Variants in GPC5 observed in about 807,000 individuals in gnomAD.
The protein encoded by GPC5 is glypican-5.
GPC5 carries 47 observed loss-of-function variants against 53.9 expected under a neutral mutation model. The observed-to-expected ratio is 0.87, with a 90% CI of 0.69 to 1.11. The LOEUF is 1.11. Among genes scored for constraint, GPC5 ranks in the 50% most tolerant of loss-of-function variants. The probability of loss-of-function intolerance (pLI) is 0.00; values close to 1 mark genes in which losing one functional copy is unlikely to be tolerated. For missense variants in GPC5, 748 were observed against 713.1 expected (o/e 1.05, Z -0.56); for synonymous variants, 286 against 263.3 (o/e 1.09, Z -0.84).
intron 6 of GPC5, among the ~76,000 whole-genome samples, chr13:92,134,051 G>A (rs1407149591): frequency 6.6e-6 from 1 of 152,066 alleles, no homozygotes; most frequent in Non-Finnish European, 1.5e-5. Flanking sequence ...TTGGTAGTAT[G>A]GGTTGGCTTC....
chr13:92,019,134 GTGT>G (rs889979216), intron 6 of GPC5, among the ~76,000 whole-genome samples: 3 of 151,836 alleles, frequency 2.0e-5, no homozygotes, highest in Non-Finnish European at 4.4e-5. Flanking sequence ...TTAAGGATAT[GTGT>G]TGTTATTTAT....
chr13:92,663,359 T>A (rs1196708040), intron 7 of GPC5, among the ~76,000 whole-genome samples: 33 of 151,942 alleles, frequency 2.2e-4, no homozygotes, highest in Admixed American at 2.2e-3. Flanking sequence ...TGGAATTGGT[T>A]CTGATAGGTG....
At chr13:92,454,142 C>T (rs72640220) in intron 7 of GPC5, among the ~76,000 whole-genome samples, 1 of 152,128 alleles carries the variant, frequency 6.6e-6, no homozygotes. Flanking sequence ...CAAAACAAAA[C>T]AATACAAAAA....
At chr13:91,562,188 TAAAAAAAAAA>T (rs10603242) in intron 2 of GPC5, among the ~76,000 whole-genome samples, 5 of 45,060 alleles carry the variant, frequency 1.1e-4, no homozygotes, top group Admixed American at 3.4e-4. Flanking sequence ...GGAGCAACAG[TAAAAAAAAAA>T]AAAAAAAAAA....
At chr13:91,630,884 T>G (rs1191350585) in intron 2 of GPC5, among the ~76,000 whole-genome samples, 2 of 152,158 alleles carry the variant, frequency 1.3e-5, no homozygotes, top group Non-Finnish European at 2.9e-5. Context: ...CCCTTAACAA[T>G]AAGAGATATA....
At chr13:92,473,919 G>C (rs1879001276) in intron 7 of GPC5, among the ~76,000 whole-genome samples, 1 of 152,026 alleles carries the variant, frequency 6.6e-6, no homozygotes, top group Admixed American at 6.6e-5. Context: ...TGCTCTTTAT[G>C]ACAAAGAAAG....
At chr13:92,023,906 T>A (rs1336534839) in intron 6 of GPC5, among the ~76,000 whole-genome samples, 1 of 152,110 alleles carries the variant, frequency 6.6e-6, no homozygotes. Flanking sequence ...GACAATAAGT[T>A]CCAGGTACTT....
intron 7 of GPC5, among the ~76,000 whole-genome samples, chr13:92,358,790 G>T (rs1015563968): frequency 1.3e-5 from 2 of 151,744 alleles, no homozygotes; most frequent in Non-Finnish European, 2.9e-5. Flanking sequence ...ATGTCTTGAG[G>T]TTGTTTAGGG....
chr13:91,615,210 A>G (rs1468995785), intron 2 of GPC5, among the ~76,000 whole-genome samples: 1 of 152,170 alleles, frequency 6.6e-6, no homozygotes, highest in East Asian at 1.9e-4. Flanking sequence ...AGTCTGTATG[A>G]GTAGTTTAAT....
intron 2 of GPC5, among the ~76,000 whole-genome samples, chr13:91,609,714 C>G (rs1038097883): frequency 1.3e-5 from 2 of 152,142 alleles, no homozygotes; most frequent in Non-Finnish European, 2.9e-5. Context: ...CTGTGCCTAC[C>G]CCACTTTGCT....
At chr13:91,907,454 C>T (rs1288640665) in intron 5 of GPC5, among the ~76,000 whole-genome samples, 3 of 140,936 alleles carry the variant, frequency 2.1e-5, no homozygotes, top group African/African-American at 7.9e-5. Flanking sequence ...CAAGTATATA[C>T]TACTATATAA....
At chr13:92,016,507 T>C (rs2040708575) in intron 6 of GPC5, among the ~76,000 whole-genome samples, 4 of 152,094 alleles carry the variant, frequency 2.6e-5, no homozygotes, top group Admixed American at 2.6e-4. Flanking sequence ...GATTCTAAAT[T>C]TTATTTTCTT....
At chr13:92,000,545 G>A (rs767583925) in intron 6 of GPC5, among the ~76,000 whole-genome samples, 2 of 152,060 alleles carry the variant, frequency 1.3e-5, no homozygotes, top group Non-Finnish European at 2.9e-5. Flanking sequence ...TTGGCATTGT[G>A]TTTGTTTAGG....
chr13:91,651,026 A>G (rs1402440032), intron 2 of GPC5, among the ~76,000 whole-genome samples: 2 of 152,130 alleles, frequency 1.3e-5, no homozygotes, highest in Non-Finnish European at 1.5e-5. Context: ...GGTTCTCAGT[A>G]GTGATTTATA....
chr13:92,497,536 G>T (rs550101611), intron 7 of GPC5, among the ~76,000 whole-genome samples: 18 of 152,118 alleles, frequency 1.2e-4, no homozygotes, highest in Non-Finnish European at 2.2e-4. Context: ...GTCAGGTAGC[G>T]TGATGACTCC....
chr13:92,022,140 T>C (rs1201118920), intron 6 of GPC5, among the ~76,000 whole-genome samples: 8 of 152,044 alleles, frequency 5.3e-5, no homozygotes, highest in African/African-American at 1.9e-4. Context: ...GCTGGATTTA[T>C]AGGCACGTGC....
At chr13:91,747,570 CGT>C (rs2037078294) in intron 4 of GPC5, among the ~76,000 whole-genome samples, 1 of 152,048 alleles carries the variant, frequency 6.6e-6, no homozygotes, top group African/African-American at 2.4e-5. Context: ...CTGGTCAAAA[CGT>C]GTAGATAACT....
chr13:91,875,235 C>A (rs564297458), intron 5 of GPC5, among the ~76,000 whole-genome samples: 10 of 152,290 alleles, frequency 6.6e-5, no homozygotes, highest in Non-Finnish European at 1.0e-4. Flanking sequence ...TCTGTGCTCT[C>A]ATATTTGATT....
At chr13:92,459,436 G>A (rs757375134) in intron 7 of GPC5, among the ~76,000 whole-genome samples, 2 of 152,154 alleles carry the variant, frequency 1.3e-5, no homozygotes, top group Non-Finnish European at 2.9e-5. Flanking sequence ...GTTCATCAAA[G>A]AGTAATTTAC....
Sources: gnomAD v4.1 joint callset for allele counts (sites outside exome capture counted in the v4.1 genomes callset) on GRCh38, gnomAD v4.1.1 for gene constraint, MANE v1.5 for transcripts, NCBI Gene and HGNC (gene_info 2026-07-23, HGNC 2026-07-21) for gene names.